The following ZCCHC7 variants were observed in gnomAD, a reference collection of about 807,000 sequenced individuals.
The protein encoded by ZCCHC7 is zinc finger CCHC domain-containing protein 7.
A neutral mutation model predicts 52.0 loss-of-function variants in ZCCHC7; 35 were observed. That is an observed-to-expected ratio of 0.67 (90% CI 0.51 to 0.89). The LOEUF (loss-of-function observed/expected upper bound fraction) is 0.89. Among genes scored for constraint, ZCCHC7 ranks in the 40% least tolerant of loss-of-function variants. The probability of loss-of-function intolerance (pLI) is 0.00; values close to 1 mark genes in which losing one functional copy is unlikely to be tolerated. For synonymous variants in ZCCHC7, 217 were observed against 221.5 expected (o/e 0.98, Z 0.18); for missense variants, 574 against 649.1 (o/e 0.88, Z 1.26).
intron 6 of ZCCHC7, among the ~76,000 whole-genome samples, chr9:37,339,960 A>G (rs544787686): frequency 6.6e-6 from 1 of 152,272 alleles, no homozygotes; most frequent in African/African-American, 2.4e-5. Context: ...ATAAAAAATT[A>G]CTGTTAGAAA....
chr9:37,313,906 T>A (rs763896392), intron 5 of ZCCHC7, among the ~76,000 whole-genome samples: 1 of 152,206 alleles, frequency 6.6e-6, no homozygotes, highest in Non-Finnish European at 1.5e-5. Context: ...TTTATAATAA[T>A]GTCAAAATGG....
intron 2 of ZCCHC7, among the ~76,000 whole-genome samples, chr9:37,299,022 A>G (rs1421708906): frequency 6.6e-6 from 1 of 152,186 alleles, no homozygotes; most frequent in Non-Finnish European, 1.5e-5. Context: ...AGTTGATTTC[A>G]TACAAAGAAA....
At chr9:37,185,682 C>G (rs1822613538) in intron 2 of ZCCHC7, among the ~76,000 whole-genome samples, 1 of 152,160 alleles carries the variant, frequency 6.6e-6, no homozygotes, top group African/African-American at 2.4e-5. Flanking sequence ...TTACCTCTGT[C>G]TTCAGGTGGC....
rs760744627 is a variant in ZCCHC7, at chr9:37,120,640, C to T, written c.-22+17C>T. On this transcript the variant is annotated intron_variant, in intron 1 of 8. Coordinates refer to ENST00000336755, the MANE Select transcript of ZCCHC7 (RefSeq NM_032226.3). ...GCTGCGGCAGTGAGTATGTGTGTGA[C>T]GGACCCCCGCCGCCCGCGGCTCGGG... 2 of 394,942 alleles carry T rather than the reference C, an allele frequency of 5.1e-6. No homozygotes were observed. The highest frequency in any genetic ancestry group is 8.9e-6 in the Non-Finnish European group (2 of 223,508). 24.5% of individuals were successfully genotyped at this position (394,942 alleles called of 1,614,324 possible). A position where few individuals can be genotyped will look rare whatever the true frequency, so the allele number is the denominator to read the frequency against.
At chr9:37,198,674 G>T (rs1321733080) in intron 2 of ZCCHC7, among the ~76,000 whole-genome samples, 2 of 152,212 alleles carry the variant, frequency 1.3e-5, no homozygotes, top group African/African-American at 4.8e-5. Context: ...CTCTGTTCAA[G>T]TGGGAGGTCC....
At chr9:37,216,938 TAAG>T (rs993957994) in intron 2 of ZCCHC7, among the ~76,000 whole-genome samples, 1 of 152,132 alleles carries the variant, frequency 6.6e-6, no homozygotes, top group African/African-American at 2.4e-5. Context: ...AAATTTGAAA[TAAG>T]ATATTCATAT....
At chr9:37,222,378 T>TGTGTGTG (rs1824871713) in intron 2 of ZCCHC7, among the ~76,000 whole-genome samples, 12 of 139,714 alleles carry the variant, frequency 8.6e-5, no homozygotes, top group South Asian at 4.6e-4. Flanking sequence ...TGTGTGTGTG[T>TGTGTGTG]TTTCAAGTAT....
intron 5 of ZCCHC7, among the ~76,000 whole-genome samples, chr9:37,321,698 C>CA (rs1436784066): frequency 6.6e-6 from 1 of 152,066 alleles, no homozygotes; most frequent in Non-Finnish European, 1.5e-5. Flanking sequence ...CCCAGGAGAT[C>CA]AGGGCTGCAG....
intron 6 of ZCCHC7, among the ~76,000 whole-genome samples, chr9:37,345,803 G>C (rs72737789): frequency 1.3e-5 from 2 of 151,708 alleles, no homozygotes; most frequent in Non-Finnish European, 2.9e-5. Flanking sequence ...AATATAAAAC[G>C]GTTGTTATTT....
intron 2 of ZCCHC7, among the ~76,000 whole-genome samples, chr9:37,202,280 A>T (rs967329166): frequency 6.6e-6 from 1 of 152,176 alleles, no homozygotes; most frequent in African/African-American, 2.4e-5. Flanking sequence ...GCTGAAGATA[A>T]AGTTAAAGGG....
At chr9:37,146,549 G>T (rs112759893) in intron 2 of ZCCHC7, among the ~76,000 whole-genome samples, 1 of 151,868 alleles carries the variant, frequency 6.6e-6, no homozygotes, top group African/African-American at 2.4e-5. Flanking sequence ...AACTAAAAAC[G>T]TGTGGTAGCT....
intron 2 of ZCCHC7, among the ~76,000 whole-genome samples, chr9:37,250,491 G>A (rs1282648572): frequency 3.3e-5 from 5 of 151,986 alleles, no homozygotes; most frequent in East Asian, 1.9e-4. Flanking sequence ...TAGTAGAGGC[G>A]AGGTTTCACC....
rs969411987 is a variant in ZCCHC7 at position 37,158,153 on chromosome 9, A to G, written c.610+31211A>G. Among the ~76,000 whole-genome samples, 3 of 152,198 alleles carry G rather than the reference A, an allele frequency of 2.0e-5. No individual in the cohort carries two copies. In the South Asian group the frequency reaches 6.2e-4, roughly 31 times the overall value. Reference sequence around the variant, plus strand: ...ATAAAACAAATTGAGAGCATTAGTCATTTTTAGTCAGTGGGTTATGTAGAG... The same window carrying G: ...ATAAAACAAATTGAGAGCATTAGTCGTTTTTAGTCAGTGGGTTATGTAGAG... On this transcript the variant is annotated intron_variant, in intron 2 of 8. Transcript: ENST00000336755.
chr9:37,347,852 CCT>C (rs552296251), intron 6 of ZCCHC7, among the ~76,000 whole-genome samples: 83 of 152,322 alleles, frequency 5.4e-4, no homozygotes, highest in African/African-American at 2.0e-3. Context: ...TCTCACTAGG[CCT>C]CTCTGCTATA....
At chr9:37,213,564 T>C (rs1406932426) in intron 2 of ZCCHC7, among the ~76,000 whole-genome samples, 7 of 152,156 alleles carry the variant, frequency 4.6e-5, no homozygotes, top group African/African-American at 1.7e-4. Context: ...TAGTAATGTC[T>C]ATTTATCTGA....
At chr9:37,122,530 C>T (rs1318708949) in intron 1 of ZCCHC7, among the ~76,000 whole-genome samples, 1 of 152,140 alleles carries the variant, frequency 6.6e-6, no homozygotes, top group African/African-American at 2.4e-5. Flanking sequence ...TTAAACTCTG[C>T]TGGGACATAA....
At chr9:37,136,713 C>T (rs966053802) in intron 2 of ZCCHC7, among the ~76,000 whole-genome samples, 2 of 152,146 alleles carry the variant, frequency 1.3e-5, no homozygotes, top group African/African-American at 2.4e-5. Flanking sequence ...TTGGCTCAAG[C>T]GAGCTGCCCA....
chr9:37,176,450 G>A (rs763729260), intron 2 of ZCCHC7, among the ~76,000 whole-genome samples: 10 of 152,096 alleles, frequency 6.6e-5, no homozygotes, highest in Non-Finnish European at 7.4e-5. Flanking sequence ...CTTCAGTACA[G>A]AAATGAGTCC....
chr9:37,276,147 A>G (rs1827673925), intron 2 of ZCCHC7, among the ~76,000 whole-genome samples: 1 of 152,160 alleles, frequency 6.6e-6, no homozygotes, highest in Non-Finnish European at 1.5e-5. Flanking sequence ...AATACCTTTC[A>G]TGTGTTTATT....
Sources: gnomAD v4.1 joint callset for allele counts (sites outside exome capture counted in the v4.1 genomes callset) on GRCh38, gnomAD v4.1.1 for gene constraint, MANE v1.5 for transcripts, NCBI Gene and HGNC (gene_info 2026-07-23, HGNC 2026-07-21) for gene names.